RABGEF1: variants seen among roughly 807,000 people sequenced by gnomAD.
The protein encoded by RABGEF1 is RAB guanine nucleotide exchange factor 1.
RABGEF1 carries 26 observed loss-of-function variants against 57.3 expected under a neutral mutation model. The ratio of observed to expected loss-of-function variants is 0.45; its 90% CI spans 0.33 to 0.63. The LOEUF is 0.63. Ranked by LOEUF, RABGEF1 falls within the 20% of genes least tolerant of loss-of-function variation. The pLI is 0.02. For missense variants in RABGEF1, 464 were observed against 607.6 expected (o/e 0.76, Z 2.48); for synonymous variants, 185 against 210.7 (o/e 0.88, Z 1.06).
intron 4 of RABGEF1, among the ~76,000 whole-genome samples, chr7:66,790,948 C>G (rs1180111084): frequency 1.3e-5 from 2 of 152,214 alleles, no homozygotes; most frequent in Non-Finnish European, 2.9e-5. Context: ...GGGAATTCTG[C>G]TTTTTGGCAA....
the RABGEF1 span, among the ~76,000 whole-genome samples, chr7:66,674,428 T>A: frequency 6.6e-6 from 1 of 151,946 alleles, no homozygotes; most frequent in Admixed American, 6.6e-5. Flanking sequence ...GCTCAGGTGA[T>A]CCACCCACTT....
Position 66,772,095 on chromosome 7 carries a change from A to G in RABGEF1, c.179+17A>G. The G allele has an allele frequency of 2.0e-6, 3 of 1,470,574 alleles. No homozygotes were observed. The highest frequency in any genetic ancestry group is 1.4e-5 in the African/African-American group (1 of 69,654). The allele number at this position is 1,470,574 out of a possible 1,614,324, so 91.1% of individuals were successfully genotyped here. On this transcript the variant is annotated intron_variant, in intron 2 of 8. Coordinates refer to ENST00000284957, the MANE Select transcript of RABGEF1 (RefSeq NM_014504.3). ...GGCGGAGCGGTAAAAGGACTTAACT[A>G]GGGGCGGTTGAACAGTGACGTGACT... is the stretch of plus-strand genomic sequence containing the variant.
At chr7:66,756,187 T>A in intron 1 of RABGEF1, 1 of 617,018 alleles carries the variant, frequency 1.6e-6, no homozygotes, top group Non-Finnish European at 2.6e-6. Context: ...CTAGTGCTAA[T>A]AAATATCTCT....
chr7:66,699,712 G>A (rs563702944), intron 1 of RABGEF1, among the ~76,000 whole-genome samples: 18 of 151,778 alleles, frequency 1.2e-4, no homozygotes, highest in African/African-American at 4.3e-4. Flanking sequence ...AACAAAACTG[G>A]TGTGGTAGTG....
the RABGEF1 span, among the ~76,000 whole-genome samples, chr7:66,658,840 A>C: frequency 6.6e-6 from 1 of 151,964 alleles, no homozygotes; most frequent in East Asian, 2.0e-4. Context: ...GGTTCACGCC[A>C]TTCTCCTGCC....
At chr7:66,687,598 G>T (rs892853122) in intron 1 of RABGEF1, among the ~76,000 whole-genome samples, 2 of 152,098 alleles carry the variant, frequency 1.3e-5, no homozygotes, top group Non-Finnish European at 2.9e-5. Flanking sequence ...AGGATCTCTT[G>T]AGCCCAGGAG....
intron 1 of RABGEF1, among the ~76,000 whole-genome samples, chr7:66,709,427 C>T (rs1432749803): frequency 6.6e-6 from 1 of 152,116 alleles, no homozygotes; most frequent in Non-Finnish European, 1.5e-5. Context: ...ATCACTATAA[C>T]TAGTGCTATC....
chr7:66,687,724 T>A (rs1790902556), intron 1 of RABGEF1, among the ~76,000 whole-genome samples: 1 of 152,054 alleles, frequency 6.6e-6, no homozygotes, highest in Admixed American at 6.6e-5. Context: ...AAATACAGAC[T>A]TACTTTAGAT....
chr7:66,690,888 A>C (rs1484984683), intron 1 of RABGEF1, among the ~76,000 whole-genome samples: 2 of 151,660 alleles, frequency 1.3e-5, no homozygotes, highest in African/African-American at 4.8e-5. Flanking sequence ...GTTGGAGACC[A>C]GCCTGGCCAA....
At chr7:66,803,814 G>A (rs1318641781) in intron 7 of RABGEF1, among the ~76,000 whole-genome samples, 3 of 151,756 alleles carry the variant, frequency 2.0e-5, no homozygotes, top group East Asian at 1.9e-4. Flanking sequence ...GCTTGAACCC[G>A]GGAGGCGGAG....
chr7:66,678,540 G>C (rs1789456468), upstream of RABGEF1, among the ~76,000 whole-genome samples: 1 of 147,494 alleles, frequency 6.8e-6, no homozygotes, highest in Admixed American at 6.8e-5. Flanking sequence ...ACTCTAGCCT[G>C]GGTGACAGAG....
chr7:66,756,544 A>G (rs375051776), intron 1 of RABGEF1, among the ~76,000 whole-genome samples: 3 of 152,092 alleles, frequency 2.0e-5, no homozygotes, highest in East Asian at 1.9e-4. Context: ...TTAATAAAAT[A>G]CTTCATTGTC....
At chr7:66,675,899 T>C in the RABGEF1 span, among the ~76,000 whole-genome samples, 2 of 152,180 alleles carry the variant, frequency 1.3e-5, no homozygotes, top group Admixed American at 6.6e-5. Flanking sequence ...CACTGAAAAC[T>C]GCAAACCATT....
chr7:66,782,415 T>C (rs1274839348), intron 3 of RABGEF1, among the ~76,000 whole-genome samples: 1 of 151,930 alleles, frequency 6.6e-6, no homozygotes, highest in African/African-American at 2.4e-5. Context: ...TATATTCTTA[T>C]CCCACTACCC....
At chr7:66,662,519 A>G in the RABGEF1 span, among the ~76,000 whole-genome samples, 1 of 152,214 alleles carries the variant, frequency 6.6e-6, no homozygotes, top group Non-Finnish European at 1.5e-5. Flanking sequence ...AGGAGCTGAC[A>G]TCAACCCCAT....
At chr7:66,695,168 C>T (rs1792132200) in intron 1 of RABGEF1, among the ~76,000 whole-genome samples, 3 of 152,106 alleles carry the variant, frequency 2.0e-5, no homozygotes, top group Admixed American at 6.5e-5. Flanking sequence ...AAAGATAAGC[C>T]GGGCACGGTG....
intron 1 of RABGEF1, among the ~76,000 whole-genome samples, chr7:66,764,034 A>G (rs1805095485): frequency 6.6e-6 from 1 of 152,182 alleles, no homozygotes; most frequent in Admixed American, 6.5e-5. Flanking sequence ...TTGTTTAATC[A>G]TTTGAGAAAC....
intron 1 of RABGEF1, among the ~76,000 whole-genome samples, chr7:66,753,371 T>C (rs1266408474): frequency 1.3e-5 from 2 of 152,188 alleles, no homozygotes; most frequent in South Asian, 2.1e-4. Context: ...GGAAAACTCA[T>C]TTCTTCTAAT....
At chr7:66,765,068 G>A (rs1378222667) in intron 1 of RABGEF1, among the ~76,000 whole-genome samples, 2 of 151,626 alleles carry the variant, frequency 1.3e-5, no homozygotes, top group East Asian at 3.9e-4. Flanking sequence ...TGCAGTGTAA[G>A]GTGACATAAT....
Sources: allele counts gnomAD v4.1 joint callset (sites outside exome capture counted in the v4.1 genomes callset), GRCh38; gene constraint gnomAD v4.1.1; transcripts MANE v1.5; gene names NCBI Gene and HGNC (gene_info 2026-07-23, HGNC 2026-07-21).